EIF4G3: variants seen among roughly 807,000 people sequenced by gnomAD.
EIF4G3 encodes the protein eukaryotic translation initiation factor 4 gamma 3.
A neutral mutation model predicts 186.4 loss-of-function variants in EIF4G3; 34 were observed. The ratio of observed to expected loss-of-function variants is 0.18; its 90% CI spans 0.14 to 0.24. The LOEUF is 0.24. Among genes scored for constraint, EIF4G3 ranks in the 10% least tolerant of loss-of-function variants. EIF4G3 has a pLI of 1.00. For synonymous variants in EIF4G3, 673 were observed against 679.5 expected, an observed-to-expected ratio of 0.99 and a Z score of 0.15; for missense variants, 1,536 against 1,948.5, an observed-to-expected ratio of 0.79 and a Z score of 3.99.
At chr1:21,131,822 C>T (rs918011758) in intron 2 of EIF4G3, among the ~76,000 whole-genome samples, 21 of 151,896 alleles carry the variant, frequency 1.4e-4, no homozygotes, top group Admixed American at 3.9e-4. Flanking sequence ...AAACAGAAAA[C>T]GTTGCCAGGT....
At chr1:21,069,285 T>C (rs971848627) in intron 3 of EIF4G3, among the ~76,000 whole-genome samples, 6 of 152,270 alleles carry the variant, frequency 3.9e-5, no homozygotes, top group East Asian at 1.9e-4. Context: ...CCAAGTACTT[T>C]TGCTTAATGA....
intron 2 of EIF4G3, among the ~76,000 whole-genome samples, chr1:21,173,047 G>C (rs1363964425): frequency 6.8e-6 from 1 of 147,208 alleles, no homozygotes; most frequent in Admixed American, 7.0e-5. Flanking sequence ...GCTGAGGTAG[G>C]GGAATCGTTT....
At chr1:20,961,854 A>C (rs1224770618) in intron 12 of EIF4G3, among the ~76,000 whole-genome samples, 1 of 152,230 alleles carries the variant, frequency 6.6e-6, no homozygotes, top group Non-Finnish European at 1.5e-5. Flanking sequence ...AAGATAAAGA[A>C]AAATATAATT....
intron 13 of EIF4G3, among the ~76,000 whole-genome samples, chr1:20,946,624 C>T (rs1398472812): frequency 2.0e-5 from 3 of 152,160 alleles, no homozygotes; most frequent in Non-Finnish European, 4.4e-5. Context: ...GGAACTGGGT[C>T]AAATACCATA....
At chr1:20,879,271 G>C in intron 20 of EIF4G3, 52 bp downstream of exon 20, 1 of 1,416,704 alleles carries the variant, frequency 7.1e-7, no homozygotes. Flanking sequence ...TGTAGTGAGG[G>C]GAGAATATAC....
rs748285135 is a variant in EIF4G3, at chr1:20,810,823, G to T, written c.4659C>A (p.Leu1553=). 3.2e-5 allele frequency: 51 copies of T among 1,614,034 alleles called. No homozygotes were observed. The highest frequency in any genetic ancestry group is 5.3e-5 in the African/African-American group (4 of 74,930). Residue 1553 remains leucine, a synonymous_variant, in exon 36 of 37, where the codon CTC becomes CTA. Coordinates refer to ENST00000602326, the MANE Select transcript of EIF4G3 (RefSeq NM_001391906.1). This position sits in a 1 kb window ranked among gnomAD's most constrained non-coding sequence, Gnocchi z 4.1. Reference sequence around the variant, plus strand: ...TCTCTGTATCTGAGTCTAGGTACTTGAGTAAGATCGGCACTCTCTGCTTGA... The same window carrying T: ...TCTCTGTATCTGAGTCTAGGTACTTTAGTAAGATCGGCACTCTCTGCTTGA... ...AVIKQRVPIL[L]KYLDSDTEKE...
intron 13 of EIF4G3, among the ~76,000 whole-genome samples, chr1:20,948,778 G>A (rs1481255836): frequency 6.6e-6 from 1 of 151,878 alleles, no homozygotes; most frequent in Non-Finnish European, 1.5e-5. Flanking sequence ...GGAGGCTGAG[G>A]CAGGCAGATC....
At chr1:21,057,379 T>C (rs1034621249) in intron 3 of EIF4G3, among the ~76,000 whole-genome samples, 4 of 152,164 alleles carry the variant, frequency 2.6e-5, no homozygotes, top group Admixed American at 6.5e-5. Flanking sequence ...CAAATGGTAC[T>C]GAGTAAAAGA....
chr1:20,998,473 T>C (rs568347662), intron 6 of EIF4G3, among the ~76,000 whole-genome samples: 2 of 152,216 alleles, frequency 1.3e-5, no homozygotes, highest in Admixed American at 1.3e-4. Flanking sequence ...CACAAAGAAA[T>C]GTAATTCCTC....
At chr1:20,863,084 C>T (rs1165152769) in intron 22 of EIF4G3, among the ~76,000 whole-genome samples, 5 of 151,912 alleles carry the variant, frequency 3.3e-5, no homozygotes, top group Admixed American at 6.6e-5. Flanking sequence ...CCACTGTGCC[C>T]GGCCATATGG....
chr1:20,952,174 G>A (rs1488710614), intron 12 of EIF4G3, among the ~76,000 whole-genome samples: 6 of 67,480 alleles, frequency 8.9e-5, no homozygotes, highest in African/African-American at 3.7e-4. Flanking sequence ...TTTTTTTTTT[G>A]AGACGGAGTC....
intron 2 of EIF4G3, among the ~76,000 whole-genome samples, chr1:21,125,769 TATAC>T (rs1411022083): frequency 7.9e-5 from 9 of 114,508 alleles, no homozygotes; most frequent in African/African-American, 3.1e-4. Flanking sequence ...TTTATATATA[TATAC>T]ACACACACAC....
chr1:20,984,472 C>T (rs1010272787), intron 7 of EIF4G3, among the ~76,000 whole-genome samples: 6 of 150,004 alleles, frequency 4.0e-5, no homozygotes, highest in Non-Finnish European at 1.5e-5. Flanking sequence ...GGCCAATATA[C>T]TAATTTTTAT....
At chr1:20,933,094 A>C (rs2095389854) in intron 14 of EIF4G3, among the ~76,000 whole-genome samples, 1 of 152,184 alleles carries the variant, frequency 6.6e-6, no homozygotes, top group Admixed American at 6.5e-5. Flanking sequence ...CCTGGTGGTA[A>C]AACTTGAGAA....
In EIF4G3 at chr1:20,817,284, A is replaced by T. The variant is rs865853252; in HGVS notation, c.4515+108T>A. 2.0e-3 allele frequency: 785 copies of T among 384,662 alleles called. 12 individuals carry two copies. The highest frequency in any genetic ancestry group is 3.4e-3 in the African/African-American group (98 of 28,660). The allele number at this position is 384,662 out of a possible 1,614,324, so 23.8% of individuals were successfully genotyped here. Reference sequence around the variant, plus strand: ...AATAAAAAAATAAATAAATAAAAAAAAATAAAAATAAAAATTCATGAAGTG... The same window carrying T: ...AATAAAAAAATAAATAAATAAAAAATAATAAAAATAAAAATTCATGAAGTG... On this transcript the variant is annotated intron_variant, in intron 34 of 36. Transcript: ENST00000602326.
chr1:20,877,188 G>A (rs1219272620), intron 20 of EIF4G3, among the ~76,000 whole-genome samples: 1 of 152,168 alleles, frequency 6.6e-6, no homozygotes, highest in Non-Finnish European at 1.5e-5. Context: ...CTGGGAAAGA[G>A]CATTAAAGTG....
chr1:20,960,356 C>T (rs1301731950), intron 12 of EIF4G3, among the ~76,000 whole-genome samples: 1 of 152,026 alleles, frequency 6.6e-6, no homozygotes, highest in African/African-American at 2.4e-5. Context: ...ATCCCAGCTA[C>T]TCAGGAGGCT....
At chr1:21,034,412 T>C (rs1037315159) in intron 4 of EIF4G3, among the ~76,000 whole-genome samples, 1 of 152,188 alleles carries the variant, frequency 6.6e-6, no homozygotes, top group African/African-American at 2.4e-5. Context: ...CTCTGTTACT[T>C]CAAAAACAGA....
At chr1:21,011,631 G>A (rs1570939163) in intron 4 of EIF4G3, among the ~76,000 whole-genome samples, 1 of 152,054 alleles carries the variant, frequency 6.6e-6, no homozygotes, top group Non-Finnish European at 1.5e-5. Context: ...AGGATCTGTG[G>A]TATTACCCTA....
Sources: allele counts gnomAD v4.1 joint callset (sites outside exome capture counted in the v4.1 genomes callset), GRCh38; gene constraint gnomAD v4.1.1; non-coding constraint Gnocchi (gnomAD v3.1); transcripts MANE v1.5; gene names NCBI Gene and HGNC (gene_info 2026-07-23, HGNC 2026-07-21).